KIF6: variants seen among roughly 807,000 people sequenced by gnomAD.
The protein encoded by KIF6 is kinesin-like protein KIF6.
KIF6 carries 106 observed loss-of-function variants against 112.7 expected under a neutral mutation model. The observed-to-expected ratio is 0.94, with a 90% CI of 0.80 to 1.11. The LOEUF is 1.11. KIF6 is among the 50% of genes least tolerant of loss of function. The probability of loss-of-function intolerance (pLI) is 0.00; values close to 1 mark genes in which losing one functional copy is unlikely to be tolerated. For missense variants in KIF6, 929 were observed against 964.0 expected, an observed-to-expected ratio of 0.96 and a Z score of 0.48; for synonymous variants, 339 against 339.9, an observed-to-expected ratio of 1.00 and a Z score of 0.03.
chr6:39,492,913 G>A (rs1775555025), intron 13 of KIF6, among the ~76,000 whole-genome samples: 1 of 152,256 alleles, frequency 6.6e-6, no homozygotes, highest in South Asian at 2.1e-4. Flanking sequence ...ATTTATTGTT[G>A]TGACTTCCTT....
chr6:39,684,170 C>G (rs1787706775), intron 3 of KIF6, among the ~76,000 whole-genome samples: 1 of 152,166 alleles, frequency 6.6e-6, no homozygotes, highest in Admixed American at 6.5e-5. Flanking sequence ...AAGGGAGACA[C>G]AGGACACTTC....
intron 19 of KIF6, among the ~76,000 whole-genome samples, chr6:39,350,215 T>A (rs915466958): frequency 6.6e-6 from 1 of 151,896 alleles, no homozygotes; most frequent in African/African-American, 2.4e-5. Flanking sequence ...GGCAGGAGGA[T>A]CTGGTGGTGG....
chr6:39,634,110 G>T (rs943287061), intron 5 of KIF6, among the ~76,000 whole-genome samples: 7 of 152,190 alleles, frequency 4.6e-5, no homozygotes, highest in African/African-American at 1.7e-4. Context: ...GGGAGAGAAT[G>T]AATATGTGTT....
intron 13 of KIF6, among the ~76,000 whole-genome samples, chr6:39,528,803 T>G (rs1353881135): frequency 6.6e-6 from 1 of 152,244 alleles, no homozygotes; most frequent in Non-Finnish European, 1.5e-5. Context: ...GTTACTAAAG[T>G]GATCTATAGA....
At chr6:39,623,397 C>T (rs1783928739) in intron 5 of KIF6, among the ~76,000 whole-genome samples, 1 of 152,234 alleles carries the variant, frequency 6.6e-6, no homozygotes, top group Non-Finnish European at 1.5e-5. Flanking sequence ...TAAGGTATTC[C>T]TATTGCACAC....
chr6:39,653,268 A>G (rs113570401), intron 3 of KIF6, among the ~76,000 whole-genome samples: 280 of 152,304 alleles, frequency 1.8e-3, no homozygotes, highest in African/African-American at 6.5e-3. Flanking sequence ...CTGTTTTATA[A>G]CACCACTATC....
chr6:39,483,778 G>T (rs2150462180), intron 13 of KIF6, among the ~76,000 whole-genome samples: 1 of 152,292 alleles, frequency 6.6e-6, no homozygotes. Flanking sequence ...GGAAATGGAA[G>T]AAAGCCTACC....
intron 15 of KIF6, 149 bp from the exon 16 acceptor site, chr6:39,385,821 C>T (rs1333960041): frequency 7.7e-6 from 5 of 653,356 alleles, no homozygotes; most frequent in African/African-American, 5.5e-5. Context: ...AAATGACCTT[C>T]CATGATTCCT....
chr6:39,709,203 T>C (rs541497553), intron 3 of KIF6, among the ~76,000 whole-genome samples: 1 of 152,190 alleles, frequency 6.6e-6, no homozygotes, highest in Non-Finnish European at 1.5e-5. Context: ...TTTCTCCCCA[T>C]ACATGCAGTC....
chr6:39,535,044 A>C (rs1383141767), intron 13 of KIF6, among the ~76,000 whole-genome samples: 1 of 152,206 alleles, frequency 6.6e-6, no homozygotes, highest in Non-Finnish European at 1.5e-5. Context: ...GCCTGCCCTA[A>C]AAGAGCTCCT....
intron 10 of KIF6, among the ~76,000 whole-genome samples, chr6:39,575,966 T>C (rs775124380): frequency 6.6e-5 from 10 of 152,190 alleles, no homozygotes; most frequent in Non-Finnish European, 1.3e-4. Flanking sequence ...GAGAGATCCA[T>C]GTGTTTATCC....
intron 6 of KIF6, among the ~76,000 whole-genome samples, chr6:39,607,403 T>C (rs1390079419): frequency 6.6e-6 from 1 of 152,098 alleles, no homozygotes; most frequent in East Asian, 1.9e-4. Flanking sequence ...ATTTCATATA[T>C]AAAATATAAG....
At chr6:39,618,066 A>G (rs1175036920) in intron 5 of KIF6, among the ~76,000 whole-genome samples, 1 of 152,134 alleles carries the variant, frequency 6.6e-6, no homozygotes, top group Non-Finnish European at 1.5e-5. Flanking sequence ...TCAAAGGTAG[A>G]TTTTCTTAGA....
intron 14 of KIF6, among the ~76,000 whole-genome samples, chr6:39,430,553 C>A (rs1771077198): frequency 6.6e-6 from 1 of 152,206 alleles, no homozygotes; most frequent in Non-Finnish European, 1.5e-5. Flanking sequence ...ACAGCCCCAT[C>A]TGACAACATG....
At chr6:39,496,365 A>C (rs1313870469) in intron 13 of KIF6, among the ~76,000 whole-genome samples, 1 of 152,156 alleles carries the variant, frequency 6.6e-6, no homozygotes, top group Non-Finnish European at 1.5e-5. Flanking sequence ...AGAATTGCTA[A>C]CGTTTTTTGA....
intron 13 of KIF6, among the ~76,000 whole-genome samples, chr6:39,481,716 A>G (rs1774809446): frequency 6.6e-6 from 1 of 152,132 alleles, no homozygotes; most frequent in African/African-American, 2.4e-5. Context: ...ATCTCCAACA[A>G]GCATCATTTG....
In KIF6 at chr6:39,432,380, C is replaced by T. The variant is rs115529466; in HGVS notation, c.1646-1219G>A. On this transcript the variant is annotated intron_variant, in intron 13 of 22. Coordinates refer to ENST00000287152, the MANE Select transcript of KIF6 (RefSeq NM_145027.6). ...AGGCTCACTCTGAGGCCAAGGGTTC[C>T]GCAGAGGCTTTCATATGGGCCACAT... 9.7e-3 allele frequency among the ~76,000 whole-genome samples: 1,483 copies of T among 152,222 alleles called. 17 individuals are homozygous for T. Among genetic ancestry groups the T allele is most frequent in the Middle Eastern group, 0.041 (12 of 292 alleles).
In KIF6 at chr6:39,378,090, G is replaced by A. The variant is rs1766597000; in HGVS notation, c.1861+7532C>T. Among the ~76,000 whole-genome samples, 1 of 151,964 alleles carries A rather than the reference G, an allele frequency of 6.6e-6. No individual in the cohort carries two copies. The highest frequency in any genetic ancestry group is 2.1e-4 in the South Asian group (1 of 4,812). On this transcript the variant is annotated intron_variant, in intron 16 of 22. Coordinates refer to ENST00000287152, the MANE Select transcript of KIF6 (RefSeq NM_145027.6). The surrounding 1 kb of genome is among the most constrained non-coding windows in gnomAD (Gnocchi z 5.0). ...CAGTATATGAAACATGCTCGCTGTC[G>A]AGGAAATGGGATGTTCCAGTAAGCT...
intron 5 of KIF6, among the ~76,000 whole-genome samples, chr6:39,617,299 T>C (rs1217539342): frequency 1.3e-5 from 2 of 152,168 alleles, no homozygotes; most frequent in African/African-American, 2.4e-5. Flanking sequence ...TTGTAGACTC[T>C]TTTTAACTGA....
Sources: gnomAD v4.1 joint callset for allele counts (sites outside exome capture counted in the v4.1 genomes callset) on GRCh38, gnomAD v4.1.1 for gene constraint, Gnocchi (gnomAD v3.1) non-coding constraint, MANE v1.5 for transcripts, NCBI Gene and HGNC (gene_info 2026-07-23, HGNC 2026-07-21) for gene names.